PDGFC: variants seen among roughly 807,000 people sequenced by gnomAD.
The protein encoded by PDGFC is platelet derived growth factor C.
A neutral mutation model predicts 35.5 loss-of-function variants in PDGFC; 12 were observed. That is an observed-to-expected ratio of 0.34 (90% CI 0.22 to 0.55). The LOEUF is 0.55. Ranked by LOEUF, PDGFC falls within the 20% of genes least tolerant of loss-of-function variation. The pLI is 0.91. For missense variants in PDGFC, 322 were observed against 412.4 expected (o/e 0.78, Z 1.90); for synonymous variants, 159 against 148.8 (o/e 1.07, Z -0.50).
chr4:156,783,230 C>A (rs892399364), intron 3 of PDGFC, among the ~76,000 whole-genome samples: 3 of 152,082 alleles, frequency 2.0e-5, no homozygotes, highest in African/African-American at 7.2e-5. Context: ...GGTGAGGCTG[C>A]AGGAATGAAT....
intron 1 of PDGFC, among the ~76,000 whole-genome samples, chr4:156,939,433 C>T (rs1230553019): frequency 6.6e-6 from 1 of 152,010 alleles, no homozygotes; most frequent in South Asian, 2.1e-4. Context: ...AGGCCTTATT[C>T]TCAGTTACTG....
intron 1 of PDGFC, among the ~76,000 whole-genome samples, chr4:156,905,882 A>C (rs1730903924): frequency 6.6e-6 from 1 of 152,200 alleles, no homozygotes; most frequent in Non-Finnish European, 1.5e-5. Context: ...GTACTATATC[A>C]CATTTAATAT....
chr4:156,847,222 G>A (rs921084287), intron 2 of PDGFC, among the ~76,000 whole-genome samples: 1 of 151,476 alleles, frequency 6.6e-6, no homozygotes, highest in African/African-American at 2.4e-5. Flanking sequence ...ATATATTACC[G>A]TAGCAGAGCA....
intron 1 of PDGFC, among the ~76,000 whole-genome samples, chr4:156,953,750 G>A (rs757169472): frequency 5.3e-5 from 8 of 151,856 alleles, no homozygotes; most frequent in African/African-American, 7.2e-5. Context: ...AGCATAAGAC[G>A]TAAGATACGA....
At chr4:156,795,296 T>G (rs533249493) in intron 3 of PDGFC, among the ~76,000 whole-genome samples, 154 of 152,296 alleles carry the variant, frequency 1.0e-3, no homozygotes, top group Admixed American at 2.6e-3. Flanking sequence ...ATGAGAGAGA[T>G]AACTGTGAAA....
intron 1 of PDGFC, among the ~76,000 whole-genome samples, chr4:156,869,591 T>G (rs1560849621): frequency 6.6e-6 from 1 of 152,180 alleles, no homozygotes; most frequent in Non-Finnish European, 1.5e-5. Flanking sequence ...ACGCAAGAGT[T>G]TTGTAATTTT....
intron 1 of PDGFC, among the ~76,000 whole-genome samples, chr4:156,924,969 G>C (rs1343622515): frequency 6.7e-6 from 1 of 149,172 alleles, no homozygotes; most frequent in Non-Finnish European, 1.5e-5. Flanking sequence ...CACAGTGAAA[G>C]AGTCAGGGCA....
At chr4:156,794,086 C>T (rs941252488) in intron 3 of PDGFC, among the ~76,000 whole-genome samples, 8 of 152,094 alleles carry the variant, frequency 5.3e-5, no homozygotes, top group African/African-American at 7.2e-5. Flanking sequence ...CCTTTGACTG[C>T]GCACTATGTG....
At chr4:156,929,432 T>G (rs1482672950) in intron 1 of PDGFC, among the ~76,000 whole-genome samples, 3 of 151,666 alleles carry the variant, frequency 2.0e-5, no homozygotes, top group Non-Finnish European at 4.4e-5. Context: ...AATGACCATT[T>G]TCATAGTTCA....
At chr4:156,834,687 C>T (rs1729021424) in intron 2 of PDGFC, among the ~76,000 whole-genome samples, 1 of 152,172 alleles carries the variant, frequency 6.6e-6, no homozygotes, top group African/African-American at 2.4e-5. Context: ...GAAAAGCTTA[C>T]TTGAGATTTG....
At chr4:156,902,782 G>T (rs1730820471) in intron 1 of PDGFC, among the ~76,000 whole-genome samples, 1 of 152,094 alleles carries the variant, frequency 6.6e-6, no homozygotes, top group African/African-American at 2.4e-5. Flanking sequence ...TGGCACAGAT[G>T]TTTAGCTTTG....
chr4:156,846,286 T>C (rs1402250639), intron 2 of PDGFC, among the ~76,000 whole-genome samples: 1 of 151,816 alleles, frequency 6.6e-6, no homozygotes, highest in Non-Finnish European at 1.5e-5. Context: ...ATGTCACTGA[T>C]AATGCAAGAA....
At chr4:156,915,202 C>A (rs1248156494) in intron 1 of PDGFC, among the ~76,000 whole-genome samples, 5 of 152,150 alleles carry the variant, frequency 3.3e-5, no homozygotes, top group Non-Finnish European at 7.3e-5. Context: ...TTCTTCCAAC[C>A]ATGCTTTCTA....
At chr4:156,946,524 A>G (rs1731952672) in intron 1 of PDGFC, among the ~76,000 whole-genome samples, 1 of 152,056 alleles carries the variant, frequency 6.6e-6, no homozygotes, top group South Asian at 2.1e-4. Context: ...ATTATACAGG[A>G]TTTTAAACAA....
intron 1 of PDGFC, among the ~76,000 whole-genome samples, chr4:156,856,346 A>G (rs1200970580): frequency 6.6e-6 from 1 of 152,162 alleles, no homozygotes; most frequent in African/African-American, 2.4e-5. Context: ...CAAAAATTAT[A>G]TAATGAGAAC....
intron 3 of PDGFC, among the ~76,000 whole-genome samples, chr4:156,781,859 T>G (rs961018731): frequency 6.6e-6 from 1 of 152,164 alleles, no homozygotes; most frequent in Non-Finnish European, 1.5e-5. Context: ...AATAAACAAT[T>G]CAGCACTATA....
At chr4:156,928,882 A>G (rs1731482609) in intron 1 of PDGFC, among the ~76,000 whole-genome samples, 1 of 152,218 alleles carries the variant, frequency 6.6e-6, no homozygotes, top group African/African-American at 2.4e-5. Flanking sequence ...GTTTATCTCT[A>G]TGATGTTGGT....
intron 1 of PDGFC, among the ~76,000 whole-genome samples, chr4:156,902,549 T>A (rs1032543337): frequency 1.4e-4 from 21 of 152,360 alleles, no homozygotes; most frequent in African/African-American, 4.3e-4. Flanking sequence ...ATAAATTCTA[T>A]GAAACTATAA....
chr4:156,924,667 A>G (rs1731364988), intron 1 of PDGFC, among the ~76,000 whole-genome samples: 1 of 152,212 alleles, frequency 6.6e-6, no homozygotes, highest in Non-Finnish European at 1.5e-5. Flanking sequence ...GTAACCAGTG[A>G]AGGGTCCCTT....
Sources: gnomAD v4.1 joint callset for allele counts (sites outside exome capture counted in the v4.1 genomes callset) on GRCh38, gnomAD v4.1.1 for gene constraint, MANE v1.5 for transcripts, NCBI Gene and HGNC (gene_info 2026-07-23, HGNC 2026-07-21) for gene names.